Variants in CCDC172 observed in about 807,000 individuals in gnomAD.
CCDC172 encodes coiled-coil domain containing 172, also known as coiled-coil domain-containing protein 172.
Under a neutral mutation model 38.0 loss-of-function variants are expected in CCDC172, and 30 were observed. That is an observed-to-expected ratio of 0.79 (90% CI 0.59 to 1.07). CCDC172 has a LOEUF of 1.07. CCDC172 is among the 50% of genes least tolerant of loss of function. The pLI is 0.00. For synonymous variants in CCDC172, 78 were observed against 88.3 expected, an observed-to-expected ratio of 0.88 and a Z score of 0.66; for missense variants, 297 against 290.1, an observed-to-expected ratio of 1.02 and a Z score of -0.17.
intron 7 of CCDC172, among the ~76,000 whole-genome samples, chr10:116,369,234 G>A (rs1032048275): frequency 6.6e-6 from 1 of 151,664 alleles, no homozygotes; most frequent in African/African-American, 2.4e-5. Flanking sequence ...CTTTATTGAT[G>A]GAATTTTATT....
chr10:116,325,956 G>A (rs1420190461), intron 3 of CCDC172, among the ~76,000 whole-genome samples: 1 of 152,200 alleles, frequency 6.6e-6, no homozygotes, highest in Non-Finnish European at 1.5e-5. Flanking sequence ...TTTTGAAGAG[G>A]CAAATAGAAG....
intron 3 of CCDC172, among the ~76,000 whole-genome samples, chr10:116,339,837 C>T (rs1438975987): frequency 6.6e-6 from 1 of 151,908 alleles, no homozygotes; most frequent in Non-Finnish European, 1.5e-5. Context: ...TTGTCTGGGA[C>T]AGAGATTTCA....
intron 7 of CCDC172, among the ~76,000 whole-genome samples, chr10:116,362,171 C>G (rs1845072795): frequency 6.6e-6 from 1 of 152,114 alleles, no homozygotes; most frequent in African/African-American, 2.4e-5. Context: ...CTCTGACACC[C>G]CAAGTGTGAC....
At position 116,357,443 on chromosome 10, in the gene CCDC172, T is replaced by G. The variant is rs771583951; in HGVS notation, c.512T>G (p.Leu171Trp). Reference protein sequence around the residue: ...LNELQKQKSELIQELFTLQRK... With the variant: ...LNELQKQKSEWIQELFTLQRK... ...GAACTTCAAAAACAAAAGAGTGAATTGATACAAGAATTATTTACTCTCCAA... is the reference window on the plus strand; with the variant it reads ...GAACTTCAAAAACAAAAGAGTGAATGGATACAAGAATTATTTACTCTCCAA... The change falls in exon 6 of 9, where the codon TTG becomes TGG. Residue 171 changes from leucine (L) to tryptophan (W), a missense_variant. Physicochemically the swap from Leu to Trp is moderately conservative, Grantham distance 61. Transcript: ENST00000333254. 2 of 1,584,074 alleles carry G rather than the reference T, an allele frequency of 1.3e-6. No individual in the cohort carries two copies. The highest frequency in any genetic ancestry group is 1.7e-4 in the Middle Eastern group (1 of 6,016).
At chr10:116,340,223 G>A (rs989229773) in intron 3 of CCDC172, among the ~76,000 whole-genome samples, 1 of 151,824 alleles carries the variant, frequency 6.6e-6, no homozygotes, top group Non-Finnish European at 1.5e-5. Flanking sequence ...CCCATTTAAG[G>A]TCTTTAGCAG....
intron 7 of CCDC172, among the ~76,000 whole-genome samples, chr10:116,367,249 G>T (rs1229576051): frequency 6.6e-6 from 1 of 152,090 alleles, no homozygotes; most frequent in South Asian, 2.1e-4. Flanking sequence ...CACAAGAGAG[G>T]ATTTTGAATG....
intron 3 of CCDC172, among the ~76,000 whole-genome samples, chr10:116,328,420 G>C (rs1166519775): frequency 6.6e-6 from 1 of 151,996 alleles, no homozygotes; most frequent in Non-Finnish European, 1.5e-5. Context: ...CCAAAATTAA[G>C]GACTGACAGA....
chr10:116,351,294 T>C lies in CCDC172; in HGVS notation c.449-6086T>C, dbSNP rs1031313428. ...TTAATATGTAGTTATATTTATATTTTAAACTTTTGTTTATTAAGGGAGCAG... is the reference window on the plus strand; with the variant it reads ...TTAATATGTAGTTATATTTATATTTCAAACTTTTGTTTATTAAGGGAGCAG... On this transcript the variant is annotated intron_variant, in intron 5 of 8. Transcript: ENST00000333254. Among the ~76,000 whole-genome samples, 3 of 152,278 alleles carry C rather than the reference T, an allele frequency of 2.0e-5. No homozygotes were observed. The East Asian group carries it at 5.8e-4, about 29-fold the overall frequency.
chr10:116,355,710 C>G (rs1844987298), intron 5 of CCDC172, among the ~76,000 whole-genome samples: 1 of 152,028 alleles, frequency 6.6e-6, no homozygotes. Flanking sequence ...TGATAGAAGC[C>G]AGATGCAAAA....
chr10:116,352,107 T>A (rs1376712933), intron 5 of CCDC172, among the ~76,000 whole-genome samples: 4 of 152,202 alleles, frequency 2.6e-5, no homozygotes, highest in Non-Finnish European at 5.9e-5. Context: ...TCATGTTCCA[T>A]CTTGTCACAA....
chr10:116,337,119 A>G (rs1475078365), intron 3 of CCDC172, among the ~76,000 whole-genome samples: 1 of 151,760 alleles, frequency 6.6e-6, no homozygotes, highest in Non-Finnish European at 1.5e-5. Context: ...CCAAAACAGC[A>G]GTATTTTCTG....
At chr10:116,336,346 A>G (rs918768174) in intron 3 of CCDC172, among the ~76,000 whole-genome samples, 3 of 146,296 alleles carry the variant, frequency 2.1e-5, no homozygotes, top group African/African-American at 7.6e-5. Context: ...GAATGGGGCA[A>G]GTGAGGAGGT....
At position 116,325,242 on chromosome 10, in the gene CCDC172, C is replaced by T. The variant is rs1401001597; in HGVS notation, c.80-61C>T. On this transcript the variant is annotated intron_variant, in intron 2 of 8. Transcript: ENST00000333254. ...GACAACTGAAAGGTGGCTTATCAAA[C>T]GCCACCAAAATGGGGACTTTAGAAA... 4.6e-6 allele frequency: 7 copies of T among 1,524,022 alleles called. No individual in the cohort carries two copies. The Admixed American group carries it at 5.3e-5, about 12-fold the overall frequency. The allele number at this position is 1,524,022 out of a possible 1,614,324, so 94.4% of individuals were successfully genotyped here.
chr10:116,324,984 A>T lies in CCDC172; in HGVS notation c.-28A>T, dbSNP rs926072677. 6 of 1,590,300 alleles carry T rather than the reference A, an allele frequency of 3.8e-6. No homozygotes were observed. In the Admixed American group the frequency reaches 8.3e-5, roughly 22 times the overall value. ...TGGTTATAAAATATTTAAGGGCGAG[A>T]AAAGGATCGCAGGAGCCAGGCCCTG... On this transcript the variant is annotated 5_prime_UTR_variant, in exon 2 of 9. Transcript: ENST00000333254.
intron 7 of CCDC172, among the ~76,000 whole-genome samples, chr10:116,372,391 A>G (rs7083965): frequency 0.11 from 16,911 of 151,910 alleles, 1,657 homozygotes; most frequent in East Asian, 0.34. Flanking sequence ...CAGTTATGTA[A>G]CCACCACTGC....
At chr10:116,331,386 T>C (rs979532148) in intron 3 of CCDC172, among the ~76,000 whole-genome samples, 11 of 152,176 alleles carry the variant, frequency 7.2e-5, no homozygotes, top group African/African-American at 9.6e-5. Context: ...CATCTCTCCC[T>C]GTCTCTATGC....
chr10:116,343,856 C>T (rs1419244453), intron 5 of CCDC172, among the ~76,000 whole-genome samples: 3 of 152,166 alleles, frequency 2.0e-5, no homozygotes, highest in Non-Finnish European at 4.4e-5. Flanking sequence ...TCTGAGGCAT[C>T]ACCTTGGATT....
At chr10:116,352,567 CT>C (rs1390650957) in intron 5 of CCDC172, among the ~76,000 whole-genome samples, 1 of 151,972 alleles carries the variant, frequency 6.6e-6, no homozygotes, top group Non-Finnish European at 1.5e-5. Context: ...AATTCAACAA[CT>C]TTCATGATAA....
chr10:116,355,766 G>A (rs1844987895), intron 5 of CCDC172, among the ~76,000 whole-genome samples: 1 of 152,108 alleles, frequency 6.6e-6, no homozygotes, highest in East Asian at 1.9e-4. Context: ...TCCAGAATAG[G>A]CAAATCTGTA....
Sources: allele counts gnomAD v4.1 joint callset (sites outside exome capture counted in the v4.1 genomes callset), GRCh38; gene constraint gnomAD v4.1.1; transcripts MANE v1.5; gene names NCBI Gene and HGNC (gene_info 2026-07-23, HGNC 2026-07-21).